SACS: variants seen among roughly 807,000 people sequenced by gnomAD.
SACS encodes sacsin.
A neutral mutation model predicts 348.0 loss-of-function variants in SACS; 197 were observed. The ratio of observed to expected loss-of-function variants is 0.57; its 90% CI spans 0.50 to 0.64. The LOEUF is 0.64. Ranked by LOEUF, SACS falls within the 30% of genes least tolerant of loss-of-function variation. The pLI is 0.00. For missense variants in SACS, 4,999 were observed against 5,360.8 expected (o/e 0.93, Z 2.11); for synonymous variants, 1,985 against 1,910.6 (o/e 1.04, Z -1.02).
rs34382952 is a variant in SACS, at chr13:23,330,159, T to G, written c.13717A>C (p.Asn4573His). Residue 4573 changes from asparagine to histidine, a missense_variant, in exon 10 of 10, where the codon AAT (asparagine) becomes CAT (histidine). Around this residue, in one of 6 missense-constraint regions of SACS, gnomAD observed 254 missense variants for 275.1 expected, o/e 0.92. Coordinates refer to ENST00000382292, the MANE Select transcript of SACS (RefSeq NM_014363.6). ...CTTCACACTTTTTGTTGCATAAAAT[T>G]TTCAAGTTTTATTATGATACAGGCA... ...CTACIIIKLE[N>H]FMQQKV 4.4e-3 allele frequency: 7,110 copies of G among 1,613,956 alleles called. 21 individuals are homozygous for G. Among genetic ancestry groups the G allele is most frequent in the Non-Finnish European group, 5.4e-3 (6,358 of 1,179,838 alleles).
intron 8 of SACS, 121 bp downstream of exon 8, chr13:23,354,398 G>T: frequency 1.3e-6 from 1 of 799,098 alleles, no homozygotes; most frequent in Non-Finnish European, 2.1e-6. Context: ...TTCTGCAAAA[G>T]TCTTCCTAAC....
chr13:23,423,347 C>A (rs560074992), intron 1 of SACS, among the ~76,000 whole-genome samples: 1 of 152,198 alleles, frequency 6.6e-6, no homozygotes, highest in African/African-American at 2.4e-5. Flanking sequence ...TAGTTCCAAA[C>A]ACACATTTTT....
At chr13:23,401,727 G>A (rs547489165) in intron 2 of SACS, among the ~76,000 whole-genome samples, 20 of 152,262 alleles carry the variant, frequency 1.3e-4, no homozygotes, top group Admixed American at 9.8e-4. Context: ...ACTTTCTACT[G>A]TGATGCTTTT....
At chr13:23,379,617 T>C (rs569074505) in intron 2 of SACS, among the ~76,000 whole-genome samples, 4 of 152,178 alleles carry the variant, frequency 2.6e-5, no homozygotes, top group Admixed American at 6.5e-5. Flanking sequence ...CCCAATTCTG[T>C]GGTGTTGAGT....
intron 1 of SACS, among the ~76,000 whole-genome samples, chr13:23,426,163 T>C (rs1191458778): frequency 6.6e-6 from 1 of 152,184 alleles, no homozygotes; most frequent in Non-Finnish European, 1.5e-5. Context: ...GACACAAGTA[T>C]AGGACTTCAG....
rs764423992 is a variant in SACS, at chr13:23,339,807, G to T, written c.4069C>A (p.His1357Asn). ...CATCTGATAATATTCAACATAAGAT[G>T]AAGATTTTGTTTGCTTTCTTGTTCA... ...LSEQESKQNLHLMLNIIRWLY... is the reference protein window; with the variant it reads ...LSEQESKQNLNLMLNIIRWLY... The change falls in exon 10 of 10, where the codon CAT becomes AAT. Residue 1357 changes from histidine to asparagine, a missense_variant. Physicochemically the swap from His to Asn is moderately conservative, Grantham distance 68. This residue lies in a region of SACS where 3,156 missense variants were observed against 3,380.1 expected (regional missense o/e 0.93). Coordinates refer to ENST00000382292, the MANE Select transcript of SACS (RefSeq NM_014363.6). 1.2e-6 allele frequency: 2 copies of T among 1,613,244 alleles called. No individual in the cohort carries two copies. The highest frequency in any genetic ancestry group is 3.3e-5 in the Admixed American group (2 of 59,912).
chr13:23,335,780 C>A lies in SACS; in HGVS notation c.8096G>T (p.Arg2699Ile). ...HFKLDNCTMF[R>I]FPLRNAEMAK... The stretch of plus-strand genomic sequence containing the variant: ...CATTTCTGCATTACGAAGAGGAAAT[C>A]TGAACATTGTGCAATTATCCAGTTT... Residue 2699 changes from arginine to isoleucine, a missense_variant, in exon 10 of 10, where the codon AGA becomes ATA. Transcript: ENST00000382292. This position sits in a 1 kb window ranked among gnomAD's most constrained non-coding sequence, Gnocchi z 4.7. The A allele has an allele frequency of 6.2e-7, 1 of 1,614,012 alleles. No homozygotes were observed. Among genetic ancestry groups the A allele is most frequent in the Non-Finnish European group, 8.5e-7 (1 of 1,179,920 alleles).
intron 4 of SACS, 121 bp from the exon 5 acceptor site, chr13:23,368,608 G>A: frequency 1.4e-6 from 1 of 709,790 alleles, no homozygotes; most frequent in Non-Finnish European, 2.5e-6. Flanking sequence ...ATATCTCACT[G>A]CAGCACCCTG....
intron 2 of SACS, among the ~76,000 whole-genome samples, chr13:23,401,621 G>A (rs1201709606): frequency 6.6e-6 from 1 of 152,188 alleles, no homozygotes; most frequent in Non-Finnish European, 1.5e-5. Flanking sequence ...AAATTTTGGA[G>A]GTTCACACAT....
intron 2 of SACS, among the ~76,000 whole-genome samples, chr13:23,393,308 A>T (rs958273142): frequency 6.6e-6 from 1 of 152,258 alleles, no homozygotes; most frequent in Non-Finnish European, 1.5e-5. Flanking sequence ...ATATTCACTG[A>T]CTTTATTTAT....
chr13:23,395,306 C>T (rs957005639), intron 2 of SACS, among the ~76,000 whole-genome samples: 1 of 152,152 alleles, frequency 6.6e-6, no homozygotes, highest in African/African-American at 2.4e-5. Flanking sequence ...GTATGCTCCA[C>T]CACTAGGGCC....
At chr13:23,375,458 G>C (rs1871714323) in intron 2 of SACS, 189 bp from the exon 3 acceptor site, 2 of 1,174,252 alleles carry the variant, frequency 1.7e-6, no homozygotes, top group Non-Finnish European at 2.1e-6. Context: ...GGGCCGGGAG[G>C]GCGGGATCCG....
intron 2 of SACS, among the ~76,000 whole-genome samples, chr13:23,398,392 G>A (rs1872798287): frequency 6.6e-6 from 1 of 151,242 alleles, no homozygotes; most frequent in Admixed American, 6.6e-5. Flanking sequence ...AAATTAGCGA[G>A]GCGTGGTGGT....
intron 9 of SACS, among the ~76,000 whole-genome samples, chr13:23,349,236 A>G (rs1016801262): frequency 4.6e-5 from 7 of 152,202 alleles, no homozygotes; most frequent in African/African-American, 1.7e-4. Context: ...AGTAAGACCA[A>G]GGGACTGGCA....
intron 2 of SACS, among the ~76,000 whole-genome samples, chr13:23,377,130 G>T (rs780285173): frequency 6.6e-6 from 1 of 152,194 alleles, no homozygotes; most frequent in Non-Finnish European, 1.5e-5. Context: ...TGGGGCTGTG[G>T]GGGGAGGGAA....
At chr13:23,426,190 G>A (rs1874166246) in intron 1 of SACS, among the ~76,000 whole-genome samples, 3 of 152,186 alleles carry the variant, frequency 2.0e-5, no homozygotes, top group Non-Finnish European at 4.4e-5. Flanking sequence ...CAGAAAATCT[G>A]AGACAGGTCT....
At chr13:23,425,220 T>C (rs1874120321) in intron 1 of SACS, among the ~76,000 whole-genome samples, 1 of 151,810 alleles carries the variant, frequency 6.6e-6, no homozygotes. Flanking sequence ...AGACATCCAC[T>C]TGGGGCCTAT....
intron 2 of SACS, among the ~76,000 whole-genome samples, chr13:23,379,825 C>T (rs971008343): frequency 6.6e-6 from 1 of 152,186 alleles, no homozygotes; most frequent in Non-Finnish European, 1.5e-5. Context: ...TAGTTGCTGC[C>T]AACTGCCCAG....
Position 23,340,657 on chromosome 13 carries a change from G to T in SACS, c.3219C>A (p.Phe1073Leu). Residue 1073 changes from phenylalanine (F) to leucine (L), a missense_variant, in exon 10 of 10, where the codon TTC (phenylalanine) becomes TTA (leucine). Around this residue, in one of 6 missense-constraint regions of SACS, gnomAD observed 3,156 missense variants for 3,380.1 expected, o/e 0.93. Coordinates refer to ENST00000382292, the MANE Select transcript of SACS (RefSeq NM_014363.6). ...CTGGTGAGGTAAAAACTGAGGGTGGGAAATAGGTTCCTTCTTCATTACAAA... is the reference window on the plus strand; with the variant it reads ...CTGGTGAGGTAAAAACTGAGGGTGGTAAATAGGTTCCTTCTTCATTACAAA... ...DLFCNEEGTY[F>L]PPSVFTSPDI... 6.3e-7 allele frequency: 1 copy of T among 1,598,776 alleles called. No homozygotes were observed. Among genetic ancestry groups the T allele is most frequent in the Non-Finnish European group, 8.5e-7 (1 of 1,175,318 alleles).
Sources: gnomAD v4.1 joint callset for allele counts (sites outside exome capture counted in the v4.1 genomes callset) on GRCh38, gnomAD v4.1.1 for gene constraint, gnomAD v4.1.1 regional missense constraint, Gnocchi (gnomAD v3.1) non-coding constraint, MANE v1.5 for transcripts, NCBI Gene and HGNC (gene_info 2026-07-23, HGNC 2026-07-21) for gene names.